Variants in PMFBP1 observed in about 807,000 individuals in gnomAD.
PMFBP1 encodes the protein polyamine-modulated factor 1-binding protein 1.
PMFBP1 carries 131 observed loss-of-function variants against 137.8 expected under a neutral mutation model. The observed-to-expected ratio is 0.95, with a 90% CI of 0.82 to 1.10. The LOEUF (loss-of-function observed/expected upper bound fraction) is 1.10. PMFBP1 is among the 50% of genes least tolerant of loss of function. The pLI is 0.00. For missense variants in PMFBP1, 1,199 were observed against 1,175.4 expected (o/e 1.02, Z -0.29); for synonymous variants, 490 against 450.4 (o/e 1.09, Z -1.11).
At chr16:72,189,003 A>C in the PMFBP1 span, among the ~76,000 whole-genome samples, 3 of 152,170 alleles carry the variant, frequency 2.0e-5, no homozygotes, top group Non-Finnish European at 4.4e-5. Flanking sequence ...ACATGGTGAC[A>C]AACAGTCGGT....
At chr16:72,174,510 G>A (rs375649275), upstream of PMFBP1, among the ~76,000 whole-genome samples, 9 of 152,290 alleles carry the variant, frequency 5.9e-5, 1 homozygote, top group African/African-American at 2.2e-4. Flanking sequence ...GCTAGAGTAT[G>A]CCGAGGTGTC....
intron 4 of PMFBP1, among the ~76,000 whole-genome samples, chr16:72,153,799 A>C (rs987721401): frequency 6.8e-6 from 1 of 148,036 alleles, no homozygotes; most frequent in African/African-American, 2.5e-5. Flanking sequence ...ATATATTATC[A>C]AGACCTTATT....
Position 72,128,850 on chromosome 16 carries a change from A to AT in PMFBP1, c.1951-57dup, listed in dbSNP as rs1430147925. 1.9e-6 allele frequency: 3 copies of AT among 1,605,680 alleles called. No homozygotes were observed. In the East Asian group the frequency reaches 6.7e-5, roughly 36 times the overall value. On this transcript the variant is annotated intron_variant, in intron 13 of 20. Transcript: ENST00000237353. ...AAAGAGGTGTTAATCTCAGATAACT[A>AT]TAAAAGCCCCACTCCACCCTCCCTC...
At chr16:72,160,600 C>T (rs938151500) in intron 3 of PMFBP1, among the ~76,000 whole-genome samples, 7 of 151,538 alleles carry the variant, frequency 4.6e-5, no homozygotes, top group Admixed American at 6.6e-5. Context: ...ATTTAAGAAC[C>T]GAAAAGTCTC....
chr16:72,139,965 CTTATATA>C (rs1401560841), intron 6 of PMFBP1, among the ~76,000 whole-genome samples: 7 of 152,116 alleles, frequency 4.6e-5, no homozygotes, highest in Non-Finnish European at 8.8e-5. Flanking sequence ...TCAGTTTGTA[CTTATATA>C]TTAGTATTAT....
At chr16:72,232,692 T>C in the PMFBP1 span, among the ~76,000 whole-genome samples, 1 of 152,120 alleles carries the variant, frequency 6.6e-6, no homozygotes, top group Non-Finnish European at 1.5e-5. Flanking sequence ...GGATAAGTAT[T>C]AACTTATAGA....
upstream of PMFBP1, among the ~76,000 whole-genome samples, chr16:72,180,611 C>T (rs1039568748): frequency 6.6e-6 from 1 of 151,464 alleles, no homozygotes; most frequent in Non-Finnish European, 1.5e-5. Flanking sequence ...AAGCAGGGAT[C>T]GATAGTGTTT....
At chr16:72,189,305 T>G in the PMFBP1 span, among the ~76,000 whole-genome samples, 5 of 152,202 alleles carry the variant, frequency 3.3e-5, no homozygotes, top group South Asian at 1.0e-3. Context: ...GTCCATGCCC[T>G]CAGCCACCAC....
At chr16:72,125,105 T>A (rs1476347809) in intron 16 of PMFBP1, 133 bp downstream of exon 16, 1 of 1,403,010 alleles carries the variant, frequency 7.1e-7, no homozygotes. Flanking sequence ...CTGTCTGAAG[T>A]TCAGGGAGCC....
intron 9 of PMFBP1, among the ~76,000 whole-genome samples, chr16:72,135,970 G>C (rs1181728627): frequency 1.3e-5 from 2 of 151,308 alleles, no homozygotes; most frequent in African/African-American, 4.9e-5. Flanking sequence ...ACCCAGGCTG[G>C]TCTCAAACTC....
At chr16:72,172,837 A>C (rs1169283412), upstream of PMFBP1, among the ~76,000 whole-genome samples, 1 of 152,196 alleles carries the variant, frequency 6.6e-6, no homozygotes, top group Non-Finnish European at 1.5e-5. Context: ...GCTGATGTGG[A>C]CATAAGGGAG....
the PMFBP1 span, among the ~76,000 whole-genome samples, chr16:72,217,497 G>A: frequency 0.074 from 11,301 of 152,242 alleles, 579 homozygotes; most frequent in South Asian, 0.23. Context: ...TATTCAGAAT[G>A]TAATGGCTAC....
At chr16:72,241,225 T>C in the PMFBP1 span, among the ~76,000 whole-genome samples, 3 of 152,272 alleles carry the variant, frequency 2.0e-5, no homozygotes, top group Non-Finnish European at 4.4e-5. Flanking sequence ...AAAACCCTCA[T>C]GCTTTTATAC....
rs989768878 is a variant in PMFBP1 at position 72,170,596 on chromosome 16, AT to A, written c.12+600del. ...AAGAGCGTGCCACCACACCTGGCTA[AT>A]TTTTTTTATTTTTTGTAGAGACAGG... On this transcript the variant is annotated intron_variant, in intron 2 of 20. Transcript: ENST00000237353. 7.9e-5 allele frequency among the ~76,000 whole-genome samples: 12 copies of A among 151,750 alleles called. No individual in the cohort carries two copies. The East Asian group carries it at 1.9e-3, about 24-fold the overall frequency.
At chr16:72,152,712 G>T (rs1038263797) in intron 4 of PMFBP1, among the ~76,000 whole-genome samples, 2 of 152,048 alleles carry the variant, frequency 1.3e-5, no homozygotes, top group Non-Finnish European at 2.9e-5. Context: ...GGGTGTGGTG[G>T]TGCGTGCCTG....
the PMFBP1 span, among the ~76,000 whole-genome samples, chr16:72,189,871 C>T: frequency 7.2e-5 from 11 of 152,110 alleles, no homozygotes; most frequent in African/African-American, 2.4e-4. Context: ...ATGGGTGCTG[C>T]TGATTAGTTG....
chr16:72,121,888 C>A (rs1335914387), intron 19 of PMFBP1, among the ~76,000 whole-genome samples: 1 of 152,140 alleles, frequency 6.6e-6, no homozygotes, highest in Non-Finnish European at 1.5e-5. Flanking sequence ...TGGTCATTTT[C>A]TTTTTCACTT....
chr16:72,176,436 G>T (rs2043259737), upstream of PMFBP1, among the ~76,000 whole-genome samples: 1 of 152,192 alleles, frequency 6.6e-6, no homozygotes, highest in African/African-American at 2.4e-5. Flanking sequence ...TCATCTAAAA[G>T]ACTCTATCTC....
At chr16:72,186,856 T>C in the PMFBP1 span, among the ~76,000 whole-genome samples, 14 of 152,298 alleles carry the variant, frequency 9.2e-5, no homozygotes, top group Middle Eastern at 6.8e-3. Context: ...CTCACATCTG[T>C]AATCCCAGCA....
Sources: gnomAD v4.1 joint callset for allele counts (sites outside exome capture counted in the v4.1 genomes callset) on GRCh38, gnomAD v4.1.1 for gene constraint, MANE v1.5 for transcripts, NCBI Gene and HGNC (gene_info 2026-07-23, HGNC 2026-07-21) for gene names.